The following GRAMD1B variants were observed in gnomAD, a reference collection of about 807,000 sequenced individuals.
GRAMD1B encodes the protein GRAM domain containing 1B.
Under a neutral mutation model 99.7 loss-of-function variants are expected in GRAMD1B, and 37 were observed. The ratio of observed to expected loss-of-function variants is 0.37; its 90% CI spans 0.29 to 0.49. The LOEUF is 0.49. GRAMD1B is among the 20% of genes least tolerant of loss of function. The probability of loss-of-function intolerance (pLI) is 0.98; values close to 1 mark genes in which losing one functional copy is unlikely to be tolerated. For missense variants in GRAMD1B, 888 were observed against 1,009.2 expected, an observed-to-expected ratio of 0.88 and a Z score of 1.63; for synonymous variants, 427 against 387.6, an observed-to-expected ratio of 1.10 and a Z score of -1.19.
intron 1 of GRAMD1B, among the ~76,000 whole-genome samples, chr11:123,421,235 T>C (rs1948423840): frequency 6.6e-6 from 1 of 152,202 alleles, no homozygotes; most frequent in African/African-American, 2.4e-5. Flanking sequence ...CACGTCCACA[T>C]GTTGGGATTA....
At chr11:123,579,895 G>A (rs1217139441) in intron 3 of GRAMD1B, among the ~76,000 whole-genome samples, 1 of 152,230 alleles carries the variant, frequency 6.6e-6, no homozygotes, top group Admixed American at 6.5e-5. Flanking sequence ...AAGGGACTGA[G>A]AGCTGAGCAG....
chr11:123,391,796 T>C (rs1055062190), intron 1 of GRAMD1B, among the ~76,000 whole-genome samples: 3 of 152,184 alleles, frequency 2.0e-5, no homozygotes, highest in Non-Finnish European at 4.4e-5. Context: ...GACTAAGCAC[T>C]TACAATGTAC....
intron 1 of GRAMD1B, among the ~76,000 whole-genome samples, chr11:123,436,996 A>G (rs973916553): frequency 6.6e-6 from 1 of 152,154 alleles, no homozygotes; most frequent in African/African-American, 2.4e-5. Context: ...GAGTGAGAAC[A>G]TGCGGTGTTT....
intron 1 of GRAMD1B, among the ~76,000 whole-genome samples, chr11:123,394,025 A>C (rs1403502860): frequency 6.6e-6 from 1 of 152,024 alleles, no homozygotes; most frequent in African/African-American, 2.4e-5. Context: ...TCCTTATTCT[A>C]CTCTTTTGCA....
intron 1 of GRAMD1B, among the ~76,000 whole-genome samples, chr11:123,396,279 C>CTTG (rs1947459593): frequency 8.4e-6 from 1 of 119,642 alleles, no homozygotes; most frequent in African/African-American, 3.3e-5. Flanking sequence ...TTTTCTTCTT[C>CTTG]TTCTTTTTTT....
intron 2 of GRAMD1B, among the ~76,000 whole-genome samples, chr11:123,517,128 C>T (rs1444571450): frequency 6.6e-6 from 1 of 152,118 alleles, no homozygotes; most frequent in African/African-American, 2.4e-5. Context: ...CCATGTTGGC[C>T]AGGCTGGTTT....
At chr11:123,594,533 T>C (rs1479559595) in intron 5 of GRAMD1B, among the ~76,000 whole-genome samples, 1 of 152,244 alleles carries the variant, frequency 6.6e-6, no homozygotes, top group Non-Finnish European at 1.5e-5. Context: ...TCTAGGCAGT[T>C]GCACATCACA....
chr11:123,431,733 T>A lies in GRAMD1B; in HGVS notation c.374+567T>A, dbSNP rs1024789711. 3.9e-5 allele frequency among the ~76,000 whole-genome samples: 6 copies of A among 152,258 alleles called. No homozygotes were observed. In the South Asian group the frequency reaches 1.0e-3, roughly 26 times the overall value. ...ATATTGACATTGAGTGAGTCACATT[T>A]CCTACCATATCAGAGTCTTTAGACA... On this transcript the variant is annotated intron_variant, in intron 1 of 19. Transcript: ENST00000635736.
At chr11:123,552,495 G>A (rs1008497252) in intron 2 of GRAMD1B, among the ~76,000 whole-genome samples, 2 of 151,772 alleles carry the variant, frequency 1.3e-5, no homozygotes, top group Non-Finnish European at 2.9e-5. Context: ...GGCTGTTCTC[G>A]AACTCCTGAC....
At chr11:123,573,315 A>G (rs1018199369) in intron 2 of GRAMD1B, among the ~76,000 whole-genome samples, 9 of 152,212 alleles carry the variant, frequency 5.9e-5, no homozygotes, top group Non-Finnish European at 8.8e-5. Flanking sequence ...GGGAAATTAT[A>G]GGGGTCTTTA....
At chr11:123,554,438 C>T (rs760532280) in intron 2 of GRAMD1B, among the ~76,000 whole-genome samples, 1 of 148,642 alleles carries the variant, frequency 6.7e-6, no homozygotes, top group Non-Finnish European at 1.5e-5. Flanking sequence ...CATATAATTC[C>T]AGCACTTTGG....
intron 2 of GRAMD1B, among the ~76,000 whole-genome samples, chr11:123,489,975 C>T (rs1174266805): frequency 6.6e-6 from 1 of 152,112 alleles, no homozygotes; most frequent in Non-Finnish European, 1.5e-5. Flanking sequence ...CTAGGAGTTT[C>T]AGACTAGCCT....
At chr11:123,523,541 G>T (rs1942397588) in intron 2 of GRAMD1B, among the ~76,000 whole-genome samples, 2 of 90,340 alleles carry the variant, frequency 2.2e-5, no homozygotes, top group Non-Finnish European at 4.6e-5. Flanking sequence ...TGTTTTTGTA[G>T]TTAAAAAAAA....
chr11:123,552,481 G>A (rs1945728751), intron 2 of GRAMD1B, among the ~76,000 whole-genome samples: 1 of 151,778 alleles, frequency 6.6e-6, no homozygotes. Flanking sequence ...CACCATGCTG[G>A]CCAGGCTGTT....
intron 2 of GRAMD1B, among the ~76,000 whole-genome samples, chr11:123,540,655 TAA>T (rs1294476695): frequency 1.7e-4 from 26 of 152,188 alleles, no homozygotes; most frequent in African/African-American, 6.3e-4. Context: ...TTAGAAAATA[TAA>T]AGAGCCAAAA....
At chr11:123,432,681 G>T (rs183643437) in intron 1 of GRAMD1B, among the ~76,000 whole-genome samples, 3 of 152,312 alleles carry the variant, frequency 2.0e-5, no homozygotes, top group Non-Finnish European at 4.4e-5. Flanking sequence ...GAAGGAAGAG[G>T]CTGACACCAT....
At chr11:123,614,962 A>G in intron 17 of GRAMD1B, 127 bp downstream of exon 17, 1 of 569,490 alleles carries the variant, frequency 1.8e-6, no homozygotes, top group Admixed American at 2.9e-5. Flanking sequence ...CTTATCCTCT[A>G]GTCTTCTCTG....
intron 2 of GRAMD1B, among the ~76,000 whole-genome samples, chr11:123,571,118 G>A (rs1024369069): frequency 6.6e-6 from 1 of 152,190 alleles, no homozygotes; most frequent in African/African-American, 2.4e-5. Context: ...GCAATATCTG[G>A]GGCAGAAATG....
intron 1 of GRAMD1B, chr11:123,435,583 T>TC: frequency 3.2e-6 from 2 of 633,938 alleles, no homozygotes; most frequent in East Asian, 2.7e-5. Context: ...ACTGGAATAC[T>TC]CCAAGACCAA....
Sources: gnomAD v4.1 joint callset for allele counts (sites outside exome capture counted in the v4.1 genomes callset) on GRCh38, gnomAD v4.1.1 for gene constraint, MANE v1.5 for transcripts, NCBI Gene and HGNC (gene_info 2026-07-23, HGNC 2026-07-21) for gene names.